The following INPP5A variants were observed in gnomAD, a reference collection of about 807,000 sequenced individuals.
INPP5A encodes inositol polyphosphate-5-phosphatase A, also known as 43 kDa inositol polyphosphate 5-phophatase.
INPP5A carries 14 observed loss-of-function variants against 65.2 expected under a neutral mutation model. The observed-to-expected ratio is 0.21, with a 90% confidence interval of 0.14 to 0.34. The LOEUF is 0.34. Among genes scored for constraint, INPP5A ranks in the 10% least tolerant of loss-of-function variants. The pLI, the probability that INPP5A is intolerant of heterozygous loss-of-function variation, is 1.00. For missense variants in INPP5A, 431 were observed against 545.6 expected, an observed-to-expected ratio of 0.79 and a Z score of 2.09; for synonymous variants, 207 against 208.3, an observed-to-expected ratio of 0.99 and a Z score of 0.05.
intron 8 of INPP5A, among the ~76,000 whole-genome samples, chr10:132,718,859 G>A (rs1420327729): frequency 6.9e-6 from 1 of 145,640 alleles, no homozygotes; most frequent in East Asian, 2.1e-4. Flanking sequence ...CACCTTAGAC[G>A]GCTGTCTTCA....
chr10:132,581,080 C>T (rs898137452), intron 1 of INPP5A, among the ~76,000 whole-genome samples: 1 of 152,202 alleles, frequency 6.6e-6, no homozygotes, highest in Non-Finnish European at 1.5e-5. Context: ...TTTTCCCTCA[C>T]GTAGCTTCGC....
intron 9 of INPP5A, among the ~76,000 whole-genome samples, chr10:132,734,996 C>T (rs1196260087): frequency 2.0e-5 from 3 of 152,144 alleles, no homozygotes; most frequent in Admixed American, 2.0e-4. Flanking sequence ...GCGGGCAGGG[C>T]CTCCCAGAGG....
intron 4 of INPP5A, among the ~76,000 whole-genome samples, chr10:132,654,560 G>A (rs2072626527): frequency 1.3e-5 from 2 of 152,224 alleles, no homozygotes; most frequent in African/African-American, 2.4e-5. Flanking sequence ...CCTGGGCAGA[G>A]CTGGGCAGCA....
In INPP5A at chr10:132,650,707, C is replaced by T. The variant is rs1351015731; in HGVS notation, c.306+202C>T. 2.6e-5 allele frequency among the ~76,000 whole-genome samples: 4 copies of T among 152,304 alleles called. No individual in the cohort carries two copies. The highest frequency in any genetic ancestry group is 4.1e-4 in the South Asian group (2 of 4,822). On this transcript the variant is annotated intron_variant, in intron 4 of 15. Transcript: ENST00000368594. The surrounding 1 kb of genome is among the most constrained non-coding windows in gnomAD (Gnocchi z 5.5). ...TGGCTGGCCTGGCAGGGAAGGTGGCCCAGCACGCACAGGGTCTTGGGGCTC... is the reference window on the plus strand; with the variant it reads ...TGGCTGGCCTGGCAGGGAAGGTGGCTCAGCACGCACAGGGTCTTGGGGCTC...
rs549509856 is a variant in INPP5A at position 132,763,979 on chromosome 10, C to T, written c.904-1794C>T. Among the ~76,000 whole-genome samples, 9 of 152,388 alleles carry T rather than the reference C, an allele frequency of 5.9e-5. No individual in the cohort carries two copies. In the South Asian group the frequency reaches 1.0e-3, roughly 18 times the overall value. ...AGGGGCATCCGTCTCCCGAGGCCTC[C>T]GCTGCATCCCCACCCCATTTAGGAG... On this transcript the variant is annotated intron_variant, in intron 11 of 15. Coordinates refer to ENST00000368594, the MANE Select transcript of INPP5A (RefSeq NM_005539.5).
intron 11 of INPP5A, among the ~76,000 whole-genome samples, chr10:132,761,737 T>A (rs1361715819): frequency 6.6e-6 from 1 of 152,016 alleles, no homozygotes; most frequent in Non-Finnish European, 1.5e-5. Context: ...ACTAAAAAAA[T>A]TCCCAAAAAT....
At chr10:132,540,985 C>G (rs980463164) in intron 1 of INPP5A, among the ~76,000 whole-genome samples, 1 of 152,026 alleles carries the variant, frequency 6.6e-6, no homozygotes, top group East Asian at 1.9e-4. Context: ...AAGGCCCCTC[C>G]TCCTCCCCCT....
chr10:132,582,357 A>C (rs2071494744), intron 1 of INPP5A, among the ~76,000 whole-genome samples: 3 of 151,274 alleles, frequency 2.0e-5, no homozygotes, highest in Admixed American at 6.6e-5. Flanking sequence ...TAGTGGTTGA[A>C]GTTTATTATT....
At chr10:132,605,517 G>A (rs1393683538) in intron 1 of INPP5A, among the ~76,000 whole-genome samples, 5 of 151,568 alleles carry the variant, frequency 3.3e-5, no homozygotes, top group Non-Finnish European at 7.4e-5. Flanking sequence ...CAGGGAGGGC[G>A]TGGATCCCCT....
At chr10:132,770,413 T>C (rs1321343152) in intron 12 of INPP5A, among the ~76,000 whole-genome samples, 2 of 152,220 alleles carry the variant, frequency 1.3e-5, no homozygotes, top group African/African-American at 4.8e-5. Flanking sequence ...CCTCTTTGTC[T>C]GTGTGGACGC....
rs1349132015 is a variant in INPP5A at position 132,676,564 on chromosome 10, G to A, written c.307-13828G>A. 6.6e-6 allele frequency among the ~76,000 whole-genome samples: 1 copy of A among 152,202 alleles called. No individual in the cohort carries two copies. Among genetic ancestry groups the A allele is most frequent in the African/African-American group, 2.4e-5 (1 of 41,438 alleles). ...ATGATAATGGGCTGAACACAAGCAG[G>A]TGACTGTGTGGGACAGGGCTGCCCA... On this transcript the variant is annotated intron_variant, in intron 4 of 15. Transcript: ENST00000368594. This position sits in a 1 kb window ranked among gnomAD's most constrained non-coding sequence, Gnocchi z 4.0.
intron 2 of INPP5A, among the ~76,000 whole-genome samples, chr10:132,617,894 C>T (rs987218558): frequency 1.3e-5 from 2 of 152,214 alleles, no homozygotes; most frequent in Non-Finnish European, 2.9e-5. Flanking sequence ...GACACATGTG[C>T]GTACAGCTTA....
chr10:132,688,478 G>A (rs1015935574), intron 4 of INPP5A, among the ~76,000 whole-genome samples: 1 of 152,206 alleles, frequency 6.6e-6, no homozygotes, highest in Non-Finnish European at 1.5e-5. Context: ...TTCTTAGAGA[G>A]ACAATAGCTC....
Position 132,648,086 on chromosome 10 carries a change from A to C in INPP5A, c.218+2118A>C, listed in dbSNP as rs906526770. Among the ~76,000 whole-genome samples the C allele has an allele frequency of 2.6e-5, 4 of 152,280 alleles. No individual in the cohort carries two copies. The East Asian group carries it at 7.7e-4, about 29-fold the overall frequency. On this transcript the variant is annotated intron_variant, in intron 3 of 15. Coordinates refer to ENST00000368594, the MANE Select transcript of INPP5A (RefSeq NM_005539.5). ...AGCCACTTCGGGAAAAGATATCTGC[A>C]GCACACCTTACTGACAAAAACGAGT... is the stretch of plus-strand genomic sequence containing the variant.
chr10:132,669,844 C>A (rs2072859626), intron 4 of INPP5A, among the ~76,000 whole-genome samples: 1 of 152,018 alleles, frequency 6.6e-6, no homozygotes, highest in Non-Finnish European at 1.5e-5. Context: ...CCACTGTGGC[C>A]TTGCTGAGCC....
chr10:132,696,617 C>T (rs1354269598), intron 5 of INPP5A, among the ~76,000 whole-genome samples: 3 of 152,232 alleles, frequency 2.0e-5, no homozygotes, highest in Non-Finnish European at 2.9e-5. Context: ...CTGGAAAAGG[C>T]AGAACTGTGG....
At chr10:132,771,311 C>T (rs931381450) in intron 12 of INPP5A, among the ~76,000 whole-genome samples, 8 of 152,218 alleles carry the variant, frequency 5.3e-5, no homozygotes, top group South Asian at 2.1e-4. Context: ...CTGCTTCCCT[C>T]GTAAGTGAAG....
chr10:132,778,664 A>G (rs992909038), intron 13 of INPP5A, among the ~76,000 whole-genome samples: 53 of 152,330 alleles, frequency 3.5e-4, no homozygotes, highest in Non-Finnish European at 1.9e-4. Flanking sequence ...TGCAATCGGA[A>G]GGAGGCTGGA....
At chr10:132,685,764 G>T (rs571948288) in intron 4 of INPP5A, among the ~76,000 whole-genome samples, 1 of 152,308 alleles carries the variant, frequency 6.6e-6, no homozygotes, top group South Asian at 2.1e-4. Flanking sequence ...GTGCCTGCCG[G>T]GACGCGTTGT....
Sources: allele counts gnomAD v4.1 joint callset (sites outside exome capture counted in the v4.1 genomes callset), GRCh38; gene constraint gnomAD v4.1.1; non-coding constraint Gnocchi (gnomAD v3.1); transcripts MANE v1.5; gene names NCBI Gene and HGNC (gene_info 2026-07-23, HGNC 2026-07-21).